Variants in RGS10 observed in about 807,000 individuals in gnomAD.
RGS10 encodes regulator of G-protein signalling 10.
RGS10 carries 11 observed loss-of-function variants against 23.5 expected under a neutral mutation model. That is an observed-to-expected ratio of 0.47 (90% CI 0.29 to 0.77). The LOEUF (loss-of-function observed/expected upper bound fraction) is 0.77, where lower values mean the gene tolerates loss of function less well. RGS10 is among the 30% of genes least tolerant of loss of function. RGS10 has a pLI of 0.08. For synonymous variants in RGS10, 77 were observed against 83.2 expected, an observed-to-expected ratio of 0.92 and a Z score of 0.41; for missense variants, 180 against 226.3, an observed-to-expected ratio of 0.80 and a Z score of 1.31.
chr10:119,503,744 C>T (rs770155070), intron 4 of RGS10, among the ~76,000 whole-genome samples: 12 of 152,202 alleles, frequency 7.9e-5, no homozygotes, highest in South Asian at 2.1e-4. Flanking sequence ...GTCCTCGGCT[C>T]GTAGACCACA....
intron 1 of RGS10, among the ~76,000 whole-genome samples, chr10:119,530,478 C>T (rs1844321104): frequency 1.3e-5 from 2 of 152,128 alleles, no homozygotes; most frequent in Non-Finnish European, 2.9e-5. Context: ...GGCTTGATCT[C>T]AGGAGTTCAA....
chr10:119,542,333 C>G (rs940302357), intron 1 of RGS10, among the ~76,000 whole-genome samples: 7 of 152,234 alleles, frequency 4.6e-5, no homozygotes, highest in African/African-American at 1.7e-4. Flanking sequence ...TCTCCCAGAC[C>G]ATCACTAAAA....
chr10:119,534,780 C>A (rs1844370280), intron 1 of RGS10, among the ~76,000 whole-genome samples: 1 of 151,356 alleles, frequency 6.6e-6, no homozygotes, highest in Non-Finnish European at 1.5e-5. Context: ...GTTCCAGCTA[C>A]TCGGGAGGCT....
At chr10:119,518,192 AG>A (rs1370589096) in intron 3 of RGS10, among the ~76,000 whole-genome samples, 1 of 152,202 alleles carries the variant, frequency 6.6e-6, no homozygotes, top group Non-Finnish European at 1.5e-5. Context: ...GTGGCCTGGA[AG>A]GATGGCCGAC....
At chr10:119,532,314 A>C (rs1025359610) in intron 1 of RGS10, among the ~76,000 whole-genome samples, 6 of 152,146 alleles carry the variant, frequency 3.9e-5, no homozygotes, top group Non-Finnish European at 8.8e-5. Context: ...CCCAGCCTCC[A>C]ATATGACTGA....
chr10:119,520,189 T>G (rs9732641), intron 3 of RGS10, among the ~76,000 whole-genome samples: 1 of 152,066 alleles, frequency 6.6e-6, no homozygotes, highest in Non-Finnish European at 1.5e-5. Context: ...AACATCAATT[T>G]CAGAAAGAGA....
chr10:119,500,056 G>A lies in RGS10; in HGVS notation c.*57C>T, dbSNP rs1027923185. On this transcript the variant is annotated 3_prime_UTR_variant, in exon 5 of 5. Transcript: ENST00000369103. Reference sequence around the variant, plus strand: ...ACAAAGCAATGATAAACCCGGCACGGTCCTGAGAGGAAATTCCTTTGCTTC... The same window carrying A: ...ACAAAGCAATGATAAACCCGGCACGATCCTGAGAGGAAATTCCTTTGCTTC... 1 of 1,581,292 alleles carries A rather than the reference G, an allele frequency of 6.3e-7. No homozygotes were observed. The highest frequency in any genetic ancestry group is 1.4e-5 in the African/African-American group (1 of 73,524).
At chr10:119,501,822 G>A (rs565655870) in intron 4 of RGS10, among the ~76,000 whole-genome samples, 1 of 152,314 alleles carries the variant, frequency 6.6e-6, no homozygotes, top group Non-Finnish European at 1.5e-5. Context: ...TGCTTCAGGA[G>A]GGAACTGGAA....
intron 2 of RGS10, among the ~76,000 whole-genome samples, chr10:119,526,751 A>T (rs942829275): frequency 6.6e-6 from 1 of 152,200 alleles, no homozygotes; most frequent in African/African-American, 2.4e-5. Flanking sequence ...CTGACCCAAG[A>T]CTTAAAGACA....
chr10:119,512,794 C>G (rs558294955), intron 4 of RGS10, among the ~76,000 whole-genome samples: 1 of 152,218 alleles, frequency 6.6e-6, no homozygotes, highest in Non-Finnish European at 1.5e-5. Context: ...GTGATCCACA[C>G]GCCTTGGCCT....
chr10:119,514,896 C>A (rs967567646), intron 4 of RGS10, among the ~76,000 whole-genome samples: 3 of 152,126 alleles, frequency 2.0e-5, no homozygotes, highest in African/African-American at 4.8e-5. Context: ...CCTTTCCCAG[C>A]GCAAATCAAT....
chr10:119,518,729 T>C (rs1328832342), intron 3 of RGS10, among the ~76,000 whole-genome samples: 1 of 151,186 alleles, frequency 6.6e-6, no homozygotes, highest in African/African-American at 2.4e-5. Context: ...TTTTTCAAGA[T>C]GGAGTCTCAC....
chr10:119,532,318 T>C (rs1335011899), intron 1 of RGS10, among the ~76,000 whole-genome samples: 2 of 152,150 alleles, frequency 1.3e-5, no homozygotes, highest in Admixed American at 6.5e-5. Flanking sequence ...GCCTCCAATA[T>C]GACTGAGCAG....
At position 119,532,228 on chromosome 10, in the gene RGS10, T is replaced by C. The variant is rs576325022; in HGVS notation, c.50-4804A>G. ...TCAAATCCATCTTGACTGATATCAG[T>C]ATAGACAGATCTTGATGAGACAGCA... is the stretch of plus-strand genomic sequence containing the variant. On this transcript the variant is annotated intron_variant, in intron 1 of 4. Coordinates refer to ENST00000369103, the MANE Select transcript of RGS10 (RefSeq NM_001005339.2). Among the ~76,000 whole-genome samples the C allele has an allele frequency of 3.3e-5, 5 of 152,308 alleles. 1 individual carries two copies. Among genetic ancestry groups the C allele is most frequent in the East Asian group, 1.9e-4 (1 of 5,182 alleles).
At position 119,538,421 on chromosome 10, in the gene RGS10, G is replaced by A. The variant is rs1460806050; in HGVS notation, c.49+4169C>T. Among the ~76,000 whole-genome samples, 1 of 152,226 alleles carries A rather than the reference G, an allele frequency of 6.6e-6. No homozygotes were observed. Among genetic ancestry groups the A allele is most frequent in the Non-Finnish European group, 1.5e-5 (1 of 68,046 alleles). On this transcript the variant is annotated intron_variant, in intron 1 of 4. Coordinates refer to ENST00000369103, the MANE Select transcript of RGS10 (RefSeq NM_001005339.2). This position sits in a 1 kb window ranked among gnomAD's most constrained non-coding sequence, Gnocchi z 4.5. ...CAAGCTGCTCTGTCAAGCATGGAGG[G>A]TGGGAGGCAGCGAGGCCTAGAAGGG...
At chr10:119,521,627 AAAGG>A (rs3064538) in intron 3 of RGS10, among the ~76,000 whole-genome samples, 174 of 119,906 alleles carry the variant, frequency 1.5e-3, no homozygotes, top group African/African-American at 4.6e-3. Flanking sequence ...GGAAGGAAAG[AAAGG>A]AAGGAAGGAA....
intron 4 of RGS10, among the ~76,000 whole-genome samples, chr10:119,502,487 G>T (rs1268321154): frequency 6.6e-6 from 1 of 152,226 alleles, no homozygotes; most frequent in Non-Finnish European, 1.5e-5. Context: ...CGTCTCGTGT[G>T]AAGTCTGCAT....
At position 119,538,297 on chromosome 10, in the gene RGS10, T is replaced by C. The variant is rs1174593782; in HGVS notation, c.49+4293A>G. On this transcript the variant is annotated intron_variant, in intron 1 of 4. Transcript: ENST00000369103. This position sits in a 1 kb window ranked among gnomAD's most constrained non-coding sequence, Gnocchi z 4.5. ...GGACTTGGGTCCAAGACTTGAGTTCTCTGCCCCTTCAGAAATGGGTGCCTC... is the reference window on the plus strand; with the variant it reads ...GGACTTGGGTCCAAGACTTGAGTTCCCTGCCCCTTCAGAAATGGGTGCCTC... Among the ~76,000 whole-genome samples the C allele has an allele frequency of 6.6e-6, 1 of 152,254 alleles. No individual in the cohort carries two copies. The highest frequency in any genetic ancestry group is 1.5e-5 in the Non-Finnish European group (1 of 68,042).
chr10:119,542,438 C>A (rs1034874343), intron 1 of RGS10, 152 bp downstream of exon 1: 16 of 576,126 alleles, frequency 2.8e-5, no homozygotes, highest in African/African-American at 2.7e-4. Context: ...CGCGAAGGTG[C>A]GGTACCCAGC....
Sources: gnomAD v4.1 joint callset for allele counts (sites outside exome capture counted in the v4.1 genomes callset) on GRCh38, gnomAD v4.1.1 for gene constraint, Gnocchi (gnomAD v3.1) non-coding constraint, MANE v1.5 for transcripts, NCBI Gene and HGNC (gene_info 2026-07-23, HGNC 2026-07-21) for gene names.